DIP2C: variants seen among roughly 807,000 people sequenced by gnomAD.
DIP2C encodes disco-interacting protein 2 homolog C.
A neutral mutation model predicts 192.4 loss-of-function variants in DIP2C; 33 were observed. The ratio of observed to expected loss-of-function variants is 0.17; its 90% CI spans 0.13 to 0.23. DIP2C has a LOEUF of 0.23. Ranked by LOEUF, DIP2C falls within the 10% of genes least tolerant of loss-of-function variation. DIP2C has a pLI of 1.00. For synonymous variants in DIP2C, 979 were observed against 864.1 expected, an observed-to-expected ratio of 1.13 and a Z score of -2.33; for missense variants, 1,537 against 2,110.1, an observed-to-expected ratio of 0.73 and a Z score of 5.32.
intron 31 of DIP2C, among the ~76,000 whole-genome samples, chr10:312,785 T>A (rs1158748488): frequency 1.3e-5 from 2 of 152,226 alleles, no homozygotes; most frequent in Admixed American, 1.3e-4. Context: ...ATAGTGGACC[T>A]TTACTGAATA....
At chr10:469,182 C>G (rs545396715) in intron 3 of DIP2C, among the ~76,000 whole-genome samples, 56 of 152,316 alleles carry the variant, frequency 3.7e-4, no homozygotes, top group Non-Finnish European at 7.2e-4. Context: ...GAATCGGAGA[C>G]TATCCTCTGT....
intron 36 of DIP2C, among the ~76,000 whole-genome samples, chr10:278,188 AG>A (rs1369554828): frequency 1.3e-5 from 2 of 148,676 alleles, no homozygotes; most frequent in African/African-American, 5.1e-5. Flanking sequence ...GTGGACGCCT[AG>A]GGCATGGGTG....
At chr10:418,483 G>A (rs1256565723) in intron 6 of DIP2C, among the ~76,000 whole-genome samples, 3 of 152,210 alleles carry the variant, frequency 2.0e-5, no homozygotes, top group Non-Finnish European at 2.9e-5. Context: ...GAAGGACTGA[G>A]ACCTAAATGG....
At chr10:679,702 CAT>C (rs1306337846) in intron 1 of DIP2C, among the ~76,000 whole-genome samples, 230 of 151,422 alleles carry the variant, frequency 1.5e-3, no homozygotes, top group Middle Eastern at 3.4e-3. Flanking sequence ...CTGTGCTCCC[CAT>C]GCCCATGCTC....
At chr10:648,824 G>A (rs959386999) in intron 1 of DIP2C, among the ~76,000 whole-genome samples, 6 of 148,200 alleles carry the variant, frequency 4.0e-5, no homozygotes, top group East Asian at 4.2e-4. Context: ...CTGAGTCCAC[G>A]TCCACATTTG....
At chr10:546,689 T>C (rs1564837245) in intron 1 of DIP2C, among the ~76,000 whole-genome samples, 1 of 152,200 alleles carries the variant, frequency 6.6e-6, no homozygotes, top group Non-Finnish European at 1.5e-5. Flanking sequence ...AGCGGACTGG[T>C]CTGTCCTGCA....
intron 1 of DIP2C, among the ~76,000 whole-genome samples, chr10:616,382 TTCAG>T (rs1325733834): frequency 2.0e-5 from 3 of 152,248 alleles, no homozygotes; most frequent in African/African-American, 7.2e-5. Context: ...AAGGATTGTC[TTCAG>T]TCAGACGCAA....
chr10:618,341 T>C (rs566489796), intron 1 of DIP2C, among the ~76,000 whole-genome samples: 44 of 152,314 alleles, frequency 2.9e-4, no homozygotes, highest in African/African-American at 1.0e-3. Flanking sequence ...GAGGCAGACA[T>C]ATCTGCTGAA....
At chr10:499,688 C>A (rs1045003608) in intron 1 of DIP2C, among the ~76,000 whole-genome samples, 5 of 152,172 alleles carry the variant, frequency 3.3e-5, no homozygotes, top group Non-Finnish European at 7.3e-5. Context: ...GGGGAATCCA[C>A]CCCCAGGATC....
chr10:510,644 ACT>A (rs918045380), intron 1 of DIP2C, among the ~76,000 whole-genome samples: 21 of 151,992 alleles, frequency 1.4e-4, no homozygotes, highest in African/African-American at 1.9e-4. Flanking sequence ...GCTGAACAAA[ACT>A]CTATTGCAGC....
chr10:369,842 C>T, intron 17 of DIP2C: 3 of 1,327,370 alleles, frequency 2.3e-6, no homozygotes, highest in Non-Finnish European at 3.0e-6. Context: ...TCCGCCTCTA[C>T]ATTCCCAGGG....
At chr10:561,350 T>G (rs955505141) in intron 1 of DIP2C, among the ~76,000 whole-genome samples, 1 of 152,154 alleles carries the variant, frequency 6.6e-6, no homozygotes, top group Non-Finnish European at 1.5e-5. Context: ...ACGAGAAGTC[T>G]CTGCAGACTG....
intron 1 of DIP2C, among the ~76,000 whole-genome samples, chr10:612,412 TAAG>T (rs753698598): frequency 9.2e-5 from 14 of 152,188 alleles, no homozygotes; most frequent in African/African-American, 2.9e-4. Flanking sequence ...AACTATCTTT[TAAG>T]AAGATATGAA....
chr10:601,347 T>C (rs900096693), intron 1 of DIP2C, among the ~76,000 whole-genome samples: 4 of 77,922 alleles, frequency 5.1e-5, no homozygotes, highest in African/African-American at 1.3e-4. Context: ...AAAACCACCA[T>C]TCCCATTTTA....
At chr10:327,279 AAC>A (rs1957316144) in intron 30 of DIP2C, 103 bp from the exon 31 acceptor site, 5 of 1,366,332 alleles carry the variant, frequency 3.7e-6, no homozygotes, top group Non-Finnish European at 4.9e-6. Context: ...TGGAAAACTC[AAC>A]ACAGCTATGC....
rs554940261 is a variant in DIP2C, at chr10:604,047, A to AC, written c.85+85446dup. ...CCCCCAGCCCTGCCCTCAGCCCCAC[A>AC]CCCCCTCTGGCCTCTACCTCATCCT... On this transcript the variant is annotated intron_variant, in intron 1 of 36. Coordinates refer to ENST00000280886, the MANE Select transcript of DIP2C (RefSeq NM_014974.3). Among the ~76,000 whole-genome samples the AC allele has an allele frequency of 6.7e-3, 212 of 31,586 alleles. 1 individual carries two copies. Among genetic ancestry groups the AC allele is most frequent in the African/African-American group, 0.024 (199 of 8,252 alleles). The allele number at this position is 31,586 out of a possible 152,430, so 20.7% of individuals were successfully genotyped here.
intron 1 of DIP2C, among the ~76,000 whole-genome samples, chr10:578,137 C>T (rs904773108): frequency 6.6e-6 from 1 of 152,196 alleles, no homozygotes; most frequent in East Asian, 1.9e-4. Context: ...CTCTATTCTT[C>T]TTTTATCCTA....
chr10:431,211 A>G (rs1966852358), intron 4 of DIP2C, among the ~76,000 whole-genome samples: 1 of 152,128 alleles, frequency 6.6e-6, no homozygotes, highest in Admixed American at 6.5e-5. Context: ...CTCTCCAAAT[A>G]AACTTTTGAA....
chr10:640,615 G>A (rs1031523084), intron 1 of DIP2C, among the ~76,000 whole-genome samples: 2 of 151,752 alleles, frequency 1.3e-5, no homozygotes, highest in Non-Finnish European at 2.9e-5. Flanking sequence ...GGGTGCGCGC[G>A]GGGAAGAAGC....
Sources: allele counts gnomAD v4.1 joint callset (sites outside exome capture counted in the v4.1 genomes callset), GRCh38; gene constraint gnomAD v4.1.1; transcripts MANE v1.5; gene names NCBI Gene and HGNC (gene_info 2026-07-23, HGNC 2026-07-21).